The following ARL10 variants were observed in gnomAD, a reference collection of about 807,000 sequenced individuals.
ARL10 encodes the protein ARF like GTPase 10.
In ARL10, 23 loss-of-function variants were observed where a neutral mutation model predicts 26.1. That is an observed-to-expected ratio of 0.88 (90% confidence interval 0.63 to 1.25). The LOEUF (loss-of-function observed/expected upper bound fraction) is 1.25, where lower values mean the gene tolerates loss of function less well. ARL10 is among the 50% of genes most tolerant of loss of function. The pLI, the probability that ARL10 is intolerant of heterozygous loss-of-function variation, is 0.00. For missense variants in ARL10, 300 were observed against 323.6 expected, an observed-to-expected ratio of 0.93 and a Z score of 0.56; for synonymous variants, 138 against 149.1, an observed-to-expected ratio of 0.93 and a Z score of 0.54.
Position 176,380,165 on chromosome 5 carries a change from A to T in ARL10, c.*8270A>T, listed in dbSNP as rs1326012495. ...GCAAAAGGGTTACTGTACTCAAAGCATCGAGGCAAAGAAGAGACAGAGAAG... is the reference window on the plus strand; with the variant it reads ...GCAAAAGGGTTACTGTACTCAAAGCTTCGAGGCAAAGAAGAGACAGAGAAG... On this transcript the variant is annotated 3_prime_UTR_variant, in exon 4 of 4. Coordinates refer to ENST00000310389, the MANE Select transcript of ARL10 (RefSeq NM_173664.6). 1 of 152,212 alleles carries T rather than the reference A, an allele frequency of 6.6e-6. No individual in the cohort carries two copies. Among genetic ancestry groups the T allele is most frequent in the Non-Finnish European group, 1.5e-5 (1 of 68,042 alleles). The allele number at this position is 152,212 out of a possible 1,614,324, so 9.4% of individuals were successfully genotyped here.
At chr5:176,390,314 C>T (rs771520519), downstream of ARL10, among the ~76,000 whole-genome samples, 11 of 152,056 alleles carry the variant, frequency 7.2e-5, no homozygotes, top group Non-Finnish European at 1.3e-4. Context: ...GACAACCTTC[C>T]TTCAGATGAG....
chr5:176,365,880 A>C, intron 1 of ARL10, 134 bp downstream of exon 1: 1 of 985,624 alleles, frequency 1.0e-6, no homozygotes, highest in Non-Finnish European at 1.3e-6. Context: ...TGGCAGCCGC[A>C]GCGCACAGGC....
In ARL10 at chr5:176,368,899, C is replaced by A; in HGVS notation, c.478C>A (p.Arg160=). ...TGTGGTGGACTCGGCTGACCGACTG[C>A]GGCTGCCCTGGGCCCGACAGGAGCT... The part of the protein sequence containing the change: ...VFVVDSADRL[R]LPWARQELHK... Residue 160 remains arginine, a synonymous_variant, in exon 3 of 4, where the codon CGG becomes AGG. Coordinates refer to ENST00000310389, the MANE Select transcript of ARL10 (RefSeq NM_173664.6). This position sits in a 1 kb window ranked among gnomAD's most constrained non-coding sequence, Gnocchi z 4.1. 6.2e-7 allele frequency: 1 copy of A among 1,614,104 alleles called. No homozygotes were observed.
downstream of ARL10, chr5:176,389,322 C>T (rs771745832): frequency 6.2e-6 from 10 of 1,611,162 alleles, no homozygotes; most frequent in Non-Finnish European, 8.5e-6. Flanking sequence ...TGCTTTGTCC[C>T]CTCCTCAGGT....
rs184611303 is a variant in ARL10 at position 176,375,199 on chromosome 5, T to C, written c.*3304T>C. The C allele has an allele frequency of 0.013, 550 of 43,152 alleles. 11 individuals carry two copies. The highest frequency in any genetic ancestry group is 0.026 in the African/African-American group (465 of 17,598). 2.7% of individuals were successfully genotyped at this position (43,152 alleles called of 1,614,324 possible). The stretch of plus-strand genomic sequence containing the variant: ...ACCCACCCATCCACCCATCCATCCA[T>C]CCATCCACTCATCCACCCATCCACC... On this transcript the variant is annotated 3_prime_UTR_variant, in exon 4 of 4. Transcript: ENST00000310389.
At chr5:176,397,918 C>A in intron 1 of ARL10, 1 of 1,611,580 alleles carries the variant, frequency 6.2e-7, no homozygotes, top group South Asian at 1.1e-5. Context: ...CCCGCCTCAG[C>A]CCCGCCCTCA....
At chr5:176,367,579 G>A (rs1027051138) in intron 2 of ARL10, among the ~76,000 whole-genome samples, 4 of 152,046 alleles carry the variant, frequency 2.6e-5, no homozygotes, top group Non-Finnish European at 4.4e-5. Context: ...CATGTGGCCC[G>A]CCCCAGCCAG....
In ARL10 at chr5:176,377,469, AG is replaced by A. The variant is rs945932623; in HGVS notation, c.*5575del. The A allele has an allele frequency of 2.0e-5, 3 of 152,232 alleles. No homozygotes were observed. The highest frequency in any genetic ancestry group is 6.5e-5 in the Admixed American group (1 of 15,284). 9.4% of individuals were successfully genotyped at this position (152,232 alleles called of 1,614,324 possible). A position where few individuals can be genotyped will look rare whatever the true frequency, so the allele number is the denominator to read the frequency against. Reference sequence around the variant, plus strand: ...ACTCCTTAGCTACTGCCATAGCATCAGCTCTCCTACACAGGAAAGCTTCTAT... The same window carrying A: ...ACTCCTTAGCTACTGCCATAGCATCACTCTCCTACACAGGAAAGCTTCTAT... On this transcript the variant is annotated 3_prime_UTR_variant, in exon 4 of 4. Coordinates refer to ENST00000310389, the MANE Select transcript of ARL10 (RefSeq NM_173664.6). This position sits in a 1 kb window ranked among gnomAD's most constrained non-coding sequence, Gnocchi z 4.5.
At chr5:176,386,902 G>A (rs771970692), downstream of ARL10, 2 of 1,613,950 alleles carry the variant, frequency 1.2e-6, no homozygotes, top group Non-Finnish European at 1.7e-6. Context: ...CACCTCCATG[G>A]CCTTCACCTG....
chr5:176,405,031 C>T (rs186812890), downstream of ARL10, among the ~76,000 whole-genome samples: 1 of 152,354 alleles, frequency 6.6e-6, no homozygotes, highest in Admixed American at 6.5e-5. Flanking sequence ...ACCAACATCA[C>T]AGGGAGTTGG....
downstream of ARL10, chr5:176,393,005 G>A (rs1381569021): frequency 1.3e-6 from 2 of 1,594,766 alleles, no homozygotes; most frequent in Non-Finnish European, 1.7e-6. The surrounding 1 kb of genome is among the most constrained non-coding windows in gnomAD (Gnocchi z 4.4). Flanking sequence ...CCTTGCCCTT[G>A]AGCAAGGCTG....
chr5:176,368,739 G>A lies in ARL10; in HGVS notation c.386-68G>A, dbSNP rs1581392964. On this transcript the variant is annotated intron_variant, in intron 2 of 3. Transcript: ENST00000310389. The surrounding 1 kb of genome is among the most constrained non-coding windows in gnomAD (Gnocchi z 4.1). ...TGGGCAGTGAGCGGGGGCCCGGGGT[G>A]GGGTGGGGGCTGTGGGCAGTGAGCG... 1 of 1,501,646 alleles carries A rather than the reference G, an allele frequency of 6.7e-7. No homozygotes were observed. Among genetic ancestry groups the A allele is most frequent in the Non-Finnish European group, 8.9e-7 (1 of 1,127,464 alleles). The allele number at this position is 1,501,646 out of a possible 1,614,324, so 93.0% of individuals were successfully genotyped here.
At chr5:176,369,938 G>A (rs1278565026) in intron 3 of ARL10, among the ~76,000 whole-genome samples, 2 of 141,812 alleles carry the variant, frequency 1.4e-5, no homozygotes, top group Non-Finnish European at 3.0e-5. Context: ...CAGCCTGGGT[G>A]ACACAGCGAG....
In ARL10 at chr5:176,378,856, G is replaced by C. The variant is rs1228038374; in HGVS notation, c.*6961G>C. The C allele has an allele frequency of 1.4e-5, 2 of 144,974 alleles. No individual in the cohort carries two copies. Among genetic ancestry groups the C allele is most frequent in the Admixed American group, 1.4e-4 (2 of 13,966 alleles). The allele number at this position is 144,974 out of a possible 1,614,324, so 9.0% of individuals were successfully genotyped here. A position where few individuals can be genotyped will look rare whatever the true frequency, so the allele number is the denominator to read the frequency against. ...TGCAGTGAGCCGAGATCGCGCCACT[G>C]CACTCCAGCCTGGGCAACAGAGCGA... is the stretch of plus-strand genomic sequence containing the variant. On this transcript the variant is annotated 3_prime_UTR_variant, in exon 4 of 4. Transcript: ENST00000310389.
At chr5:176,392,837 G>A (rs1176527972), downstream of ARL10, 1 of 1,614,146 alleles carries the variant, frequency 6.2e-7, no homozygotes, top group Non-Finnish European at 8.5e-7. The surrounding 1 kb of genome is among the most constrained non-coding windows in gnomAD (Gnocchi z 5.2). Context: ...ACACATCTTT[G>A]CACTGCTTGC....
Position 176,371,857 on chromosome 5 carries a change from G to T in ARL10, c.697G>T (p.Val233Leu). 1 of 1,614,144 alleles carries T rather than the reference G, an allele frequency of 6.2e-7. No individual in the cohort carries two copies. Among genetic ancestry groups the T allele is most frequent in the Non-Finnish European group, 8.5e-7 (1 of 1,180,018 alleles). The stretch of plus-strand genomic sequence containing the variant: ...ACCCACCTTTGAAGAGCCTGGCACC[G>T]TGCACATCTGGAAACTGCTCTTGGA... ...AGPTFEEPGT[V>L]HIWKLLLELL... The change falls in exon 4 of 4, where the codon GTG (valine) becomes TTG (leucine). Residue 233 changes from valine (V) to leucine (L), a missense_variant. Coordinates refer to ENST00000310389, the MANE Select transcript of ARL10 (RefSeq NM_173664.6).
chr5:176,402,129 C>T (rs2113650653), downstream of ARL10, among the ~76,000 whole-genome samples: 1 of 152,118 alleles, frequency 6.6e-6, no homozygotes, highest in East Asian at 1.9e-4. Flanking sequence ...GTGGTAAAAC[C>T]CCATCTCTAC....
chr5:176,386,821 A>G (rs1320263660), downstream of ARL10: 2 of 1,609,656 alleles, frequency 1.2e-6, no homozygotes, highest in Non-Finnish European at 1.7e-6. Flanking sequence ...ACCTAAAGGA[A>G]TATATGGACC....
At chr5:176,389,107 A>G, downstream of ARL10, 2 of 1,233,532 alleles carry the variant, frequency 1.6e-6, no homozygotes, top group Non-Finnish European at 2.3e-6. Context: ...CGGGGCGGTG[A>G]GGGGCGAAAC....
Sources: gnomAD v4.1 joint callset for allele counts (sites outside exome capture counted in the v4.1 genomes callset) on GRCh38, gnomAD v4.1.1 for gene constraint, Gnocchi (gnomAD v3.1) non-coding constraint, MANE v1.5 for transcripts, NCBI Gene and HGNC (gene_info 2026-07-23, HGNC 2026-07-21) for gene names.